Variants in FBXO4 observed in about 807,000 individuals in gnomAD.
FBXO4 encodes F-box only protein 4.
Under a neutral mutation model 43.7 loss-of-function variants are expected in FBXO4, and 36 were observed. The observed-to-expected ratio is 0.82, with a 90% CI of 0.63 to 1.09. FBXO4 has a LOEUF of 1.09. Ranked by LOEUF, FBXO4 falls within the 50% of genes least tolerant of loss-of-function variation. FBXO4 has a pLI of 0.00. For synonymous variants in FBXO4, 180 were observed against 165.6 expected (o/e 1.09, Z -0.67); for missense variants, 435 against 474.1 (o/e 0.92, Z 0.77).
chr5:41,971,230 G>A, the FBXO4 span, among the ~76,000 whole-genome samples: 125 of 144,602 alleles, frequency 8.6e-4, 1 homozygote, highest in African/African-American at 2.7e-3. Flanking sequence ...GTGTGTGTGT[G>A]TGTATGTGTG....
At chr5:42,016,085 G>T in the FBXO4 span, among the ~76,000 whole-genome samples, 1 of 152,114 alleles carries the variant, frequency 6.6e-6, no homozygotes, top group Non-Finnish European at 1.5e-5. Context: ...AGATGGAAAA[G>T]ATACATATAT....
the FBXO4 span, among the ~76,000 whole-genome samples, chr5:41,996,814 G>C: frequency 6.6e-6 from 1 of 152,170 alleles, no homozygotes; most frequent in African/African-American, 2.4e-5. Context: ...TGGACCCCTA[G>C]ATATTTTACT....
chr5:42,011,520 C>T, the FBXO4 span, among the ~76,000 whole-genome samples: 3 of 152,200 alleles, frequency 2.0e-5, no homozygotes, highest in African/African-American at 7.2e-5. Flanking sequence ...GTTATAGCAA[C>T]ACCAAACAGA....
intron 5 of FBXO4, among the ~76,000 whole-genome samples, chr5:41,937,439 T>C (rs1190644486): frequency 6.6e-6 from 1 of 152,130 alleles, no homozygotes; most frequent in Non-Finnish European, 1.5e-5. Flanking sequence ...ATAAAGGCAA[T>C]GTTAAGACTT....
At chr5:41,999,176 G>A in the FBXO4 span, among the ~76,000 whole-genome samples, 1 of 151,582 alleles carries the variant, frequency 6.6e-6, no homozygotes, top group East Asian at 1.9e-4. Flanking sequence ...GCATAACTCT[G>A]TAAACAGTTA....
the FBXO4 span, among the ~76,000 whole-genome samples, chr5:41,991,876 C>T: frequency 4.6e-5 from 7 of 152,124 alleles, no homozygotes; most frequent in Non-Finnish European, 8.8e-5. Context: ...GTCGGGATTT[C>T]GAGACCAGAC....
intron 5 of FBXO4, among the ~76,000 whole-genome samples, chr5:41,937,372 T>C (rs1751877275): frequency 6.6e-6 from 1 of 152,172 alleles, no homozygotes; most frequent in African/African-American, 2.4e-5. Context: ...GAGAAATCTT[T>C]ATAGTACTGC....
the FBXO4 span, among the ~76,000 whole-genome samples, chr5:42,026,584 C>T: frequency 6.6e-6 from 1 of 151,964 alleles, no homozygotes; most frequent in East Asian, 1.9e-4. Flanking sequence ...CTAGCTAGGA[C>T]TTCCTGTACT....
intron 3 of FBXO4, among the ~76,000 whole-genome samples, chr5:41,931,833 A>G (rs1751697021): frequency 2.0e-5 from 3 of 152,238 alleles, no homozygotes; most frequent in Admixed American, 6.5e-5. Context: ...ATGGAGATTC[A>G]TAAGTAATAA....
chr5:42,022,958 TA>T, the FBXO4 span, among the ~76,000 whole-genome samples: 37 of 151,972 alleles, frequency 2.4e-4, no homozygotes, highest in African/African-American at 4.8e-4. Context: ...ATACAGGGTT[TA>T]AAAAAAATGA....
At chr5:41,973,382 C>T in the FBXO4 span, among the ~76,000 whole-genome samples, 6 of 152,134 alleles carry the variant, frequency 3.9e-5, no homozygotes, top group Non-Finnish European at 8.8e-5. Context: ...TATCTCACAA[C>T]AATCAGAATG....
At chr5:41,965,363 A>G in the FBXO4 span, among the ~76,000 whole-genome samples, 5 of 152,056 alleles carry the variant, frequency 3.3e-5, no homozygotes, top group African/African-American at 9.7e-5. Context: ...ACTTGGCAAT[A>G]TGGGCTCTTT....
At chr5:42,031,637 CA>C in the FBXO4 span, among the ~76,000 whole-genome samples, 10 of 151,772 alleles carry the variant, frequency 6.6e-5, 2 homozygotes, top group South Asian at 1.9e-3. Context: ...AACAAACAAA[CA>C]AAAAAAGAAA....
At chr5:41,941,161 A>C (rs774824423) in intron 6 of FBXO4, 31 bp from the exon 7 acceptor site, 10 of 1,580,790 alleles carry the variant, frequency 6.3e-6, no homozygotes, top group Non-Finnish European at 8.7e-6. Flanking sequence ...TTAGTTTCTT[A>C]CTAACAACAT....
At chr5:42,032,995 C>A in the FBXO4 span, among the ~76,000 whole-genome samples, 2 of 152,090 alleles carry the variant, frequency 1.3e-5, no homozygotes, top group Non-Finnish European at 2.9e-5. Flanking sequence ...GCAGCCAGTT[C>A]CCTTCTGGCC....
rs559438390 is a variant in FBXO4, at chr5:41,934,183, T to C, written c.773T>C (p.Met258Thr). ...REEHTSAVNKMFSRHNEGDDQ... is the reference protein window; with the variant it reads ...REEHTSAVNKTFSRHNEGDDQ... ...GAGCATACAAGTGCAGTTAACAAGA[T>C]GTTCAGTCGACACAATGAAGGTGAT... The change falls in exon 5 of 7, where the codon ATG becomes ACG. Residue 258 changes from methionine to threonine, a missense_variant. Physicochemically the swap from Met to Thr is moderately conservative, Grantham distance 81. Coordinates refer to ENST00000281623, the MANE Select transcript of FBXO4 (RefSeq NM_012176.3). 114 of 1,613,962 alleles carry C rather than the reference T, an allele frequency of 7.1e-5. No individual in the cohort carries two copies. Among genetic ancestry groups the C allele is most frequent in the Non-Finnish European group, 9.1e-5 (107 of 1,180,002 alleles).
At chr5:41,963,331 C>T in the FBXO4 span, among the ~76,000 whole-genome samples, 3 of 151,922 alleles carry the variant, frequency 2.0e-5, no homozygotes, top group Admixed American at 6.6e-5. Flanking sequence ...GGTAGGAAAT[C>T]TTTCACTAAT....
chr5:41,962,852 A>C, the FBXO4 span, among the ~76,000 whole-genome samples: 1 of 152,202 alleles, frequency 6.6e-6, no homozygotes, highest in Non-Finnish European at 1.5e-5. Flanking sequence ...GTCAATAAAA[A>C]TTCCTTAAAT....
rs555192662 is a variant in FBXO4, at chr5:41,930,670, C to CT, written c.646+768dup. On this transcript the variant is annotated intron_variant, in intron 3 of 6. Transcript: ENST00000281623. The stretch of plus-strand genomic sequence containing the variant: ...CATTTTTTTCTTTCTTTCTTTCTTT[C>CT]TTTTTTTTTTTTTTTGAGATGGAGT... Among the ~76,000 whole-genome samples, 689 of 141,736 alleles carry CT rather than the reference C, an allele frequency of 4.9e-3. 3 individuals carry two copies. The highest frequency in any genetic ancestry group is 0.039 in the East Asian group (190 of 4,872). The allele number at this position is 141,736 out of a possible 152,430, so 93.0% of individuals were successfully genotyped here.
Sources: allele counts gnomAD v4.1 joint callset (sites outside exome capture counted in the v4.1 genomes callset), GRCh38; gene constraint gnomAD v4.1.1; transcripts MANE v1.5; gene names NCBI Gene and HGNC (gene_info 2026-07-23, HGNC 2026-07-21).